Variants in SPINK8 observed in about 807,000 individuals in gnomAD.
SPINK8 encodes serine peptidase inhibitor Kazal type 8 (putative).
A neutral mutation model predicts 14.4 loss-of-function variants in SPINK8; 12 were observed. The observed-to-expected ratio is 0.83, with a 90% CI of 0.53 to 1.35. SPINK8 has a LOEUF of 1.35. Ranked by LOEUF, SPINK8 falls within the 40% of genes most tolerant of loss-of-function variation. The pLI is 0.00. For missense variants in SPINK8, 103 were observed against 117.0 expected (o/e 0.88, Z 0.55); for synonymous variants, 32 against 37.6 (o/e 0.85, Z 0.55).
rs150910032 is a variant in SPINK8, at chr3:48,325,450, C to T, written c.67+2825G>A. 3.2e-3 allele frequency among the ~76,000 whole-genome samples: 474 copies of T among 148,616 alleles called. 4 individuals are homozygous for T. The highest frequency in any genetic ancestry group is 0.011 in the African/African-American group (450 of 40,254). On this transcript the variant is annotated intron_variant, in intron 4 of 7. Transcript: ENST00000434006. ...TAATTTTTTTTTTTTTTTGAGACAG[C>T]GGCTCACTCTGTTGCCCAGGCTGTA...
intron 6 of SPINK8, 71 bp downstream of exon 6, chr3:48,319,426 G>A: frequency 6.3e-7 from 1 of 1,578,302 alleles, no homozygotes; most frequent in Middle Eastern, 1.8e-4. Flanking sequence ...AGTGGGCTGA[G>A]GTCATCACCC....
At chr3:48,323,648 T>G (rs563942105) in intron 4 of SPINK8, among the ~76,000 whole-genome samples, 1 of 152,304 alleles carries the variant, frequency 6.6e-6, no homozygotes, top group South Asian at 2.1e-4. Flanking sequence ...AGGTCCACAT[T>G]TATTCTTTTG....
chr3:48,313,829 ATTATG>A (rs2035953567), intron 6 of SPINK8, among the ~76,000 whole-genome samples: 1 of 152,208 alleles, frequency 6.6e-6, no homozygotes, highest in Admixed American at 6.5e-5. Context: ...CCTCAAAATG[ATTATG>A]TAAGTGAAAG....
chr3:48,326,476 A>G (rs1328117449), intron 4 of SPINK8, among the ~76,000 whole-genome samples: 1 of 152,128 alleles, frequency 6.6e-6, no homozygotes, highest in Non-Finnish European at 1.5e-5. Flanking sequence ...GCATGATGGC[A>G]GATGCCTGTA....
intron 7 of SPINK8, among the ~76,000 whole-genome samples, chr3:48,308,833 T>G (rs2035884930): frequency 6.6e-6 from 1 of 152,198 alleles, no homozygotes; most frequent in Admixed American, 6.5e-5. Flanking sequence ...AAAATGGATA[T>G]AAGACCAGAG....
intron 6 of SPINK8, 44 bp from the exon 7 acceptor site, chr3:48,309,990 A>G (rs760521505): frequency 2.2e-6 from 3 of 1,354,476 alleles, no homozygotes; most frequent in African/African-American, 3.1e-5. Flanking sequence ...TGTATGGTAT[A>G]TCATAAATTC....
At chr3:48,315,720 C>CAAAAAAAAAAAAAAAAAAAAAAAAAAAA (rs66504818) in intron 6 of SPINK8, among the ~76,000 whole-genome samples, 2 of 21,940 alleles carry the variant, frequency 9.1e-5, no homozygotes, top group Admixed American at 5.7e-4. Context: ...GACTCCATCT[C>CAAAAAAAAAAAAAAAAAAAAAAAAAAAA]AAAAAAAAAA....
intron 6 of SPINK8, among the ~76,000 whole-genome samples, chr3:48,314,513 A>T (rs2035961212): frequency 2.0e-5 from 3 of 152,192 alleles, no homozygotes; most frequent in Admixed American, 1.3e-4. Context: ...AGTGAAAACC[A>T]GCAGCCTGGC....
chr3:48,330,458 G>A (rs1324766360), intron 2 of SPINK8, among the ~76,000 whole-genome samples: 1 of 152,172 alleles, frequency 6.6e-6, no homozygotes, highest in African/African-American at 2.4e-5. Context: ...GGCAGAGGTT[G>A]CAGTAAGCCG....
At chr3:48,330,558 C>A (rs535912337) in intron 2 of SPINK8, among the ~76,000 whole-genome samples, 1 of 152,240 alleles carries the variant, frequency 6.6e-6, no homozygotes, top group Admixed American at 6.5e-5. Flanking sequence ...GGAAACAGAG[C>A]TCCCATATGA....
chr3:48,306,978 T>A lies in SPINK8; in HGVS notation c.*14A>T. The A allele has an allele frequency of 1.2e-6, 2 of 1,612,972 alleles. No individual in the cohort carries two copies. The highest frequency in any genetic ancestry group is 1.7e-6 in the Non-Finnish European group (2 of 1,179,364). On this transcript the variant is annotated 3_prime_UTR_variant, in exon 8 of 8. Transcript: ENST00000434006. ...CTGGAGATTCAGTAGGTTTTATAAT[T>A]CTTTGTCGTACGTTCAAGAGTTTTC...
At chr3:48,308,724 T>C (rs2035882693) in intron 7 of SPINK8, among the ~76,000 whole-genome samples, 1 of 152,228 alleles carries the variant, frequency 6.6e-6, no homozygotes, top group Admixed American at 6.5e-5. Flanking sequence ...TGTTAAATAT[T>C]AGTCTTTACT....
At chr3:48,332,679 G>C (rs1465909789) in intron 1 of SPINK8, among the ~76,000 whole-genome samples, 1 of 152,154 alleles carries the variant, frequency 6.6e-6, no homozygotes, top group East Asian at 1.9e-4. Context: ...TGACCTGACT[G>C]AGATACCAGA....
chr3:48,328,812 A>G (rs896493914), intron 3 of SPINK8, among the ~76,000 whole-genome samples: 1 of 152,192 alleles, frequency 6.6e-6, no homozygotes, highest in African/African-American at 2.4e-5. Flanking sequence ...TCAACAGGCA[A>G]TAAGAAACAA....
intron 3 of SPINK8, among the ~76,000 whole-genome samples, chr3:48,328,657 C>T (rs2036178242): frequency 6.6e-6 from 1 of 152,106 alleles, no homozygotes; most frequent in African/African-American, 2.4e-5. Flanking sequence ...TTAAAAGTAG[C>T]CAGGCATGGT....
At chr3:48,313,897 C>G (rs971919118) in intron 6 of SPINK8, among the ~76,000 whole-genome samples, 2 of 152,082 alleles carry the variant, frequency 1.3e-5, no homozygotes, top group African/African-American at 2.4e-5. Flanking sequence ...GTGAAATATA[C>G]AGAATAGTAA....
chr3:48,307,043 GA>G, intron 7 of SPINK8, 40 bp from the exon 8 acceptor site: 1 of 1,604,358 alleles, frequency 6.2e-7, no homozygotes, highest in Non-Finnish European at 8.5e-7. Context: ...CAAATTTGAG[GA>G]AGTTAAGAGA....
At chr3:48,316,794 A>G (rs1176277601) in intron 6 of SPINK8, among the ~76,000 whole-genome samples, 1 of 152,160 alleles carries the variant, frequency 6.6e-6, no homozygotes, top group Non-Finnish European at 1.5e-5. Context: ...AATAAATAAA[A>G]GAAAAATAAA....
At chr3:48,320,894 G>C in intron 5 of SPINK8, 131 bp downstream of exon 5, 1 of 829,816 alleles carries the variant, frequency 1.2e-6, no homozygotes, top group South Asian at 1.8e-5. Flanking sequence ...TGGTGACTCA[G>C]CTTTTATTGT....
Sources: gnomAD v4.1 joint callset for allele counts (sites outside exome capture counted in the v4.1 genomes callset) on GRCh38, gnomAD v4.1.1 for gene constraint, MANE v1.5 for transcripts, NCBI Gene and HGNC (gene_info 2026-07-23, HGNC 2026-07-21) for gene names.